The following ARMCX4 variants were observed in gnomAD, a reference collection of about 807,000 sequenced individuals.
ARMCX4 encodes the protein armadillo repeat containing X-linked 4, also known as armadillo repeat-containing X-linked protein 4.
A neutral mutation model predicts 34.7 loss-of-function variants in ARMCX4; 3 were observed. The ratio of observed to expected loss-of-function variants is 0.09; its 90% CI spans 0.04 to 0.22. The LOEUF (loss-of-function observed/expected upper bound fraction) is 0.22, where lower values mean the gene tolerates loss of function less well. ARMCX4 is among the 10% of genes least tolerant of loss of function. The pLI, the probability that ARMCX4 is intolerant of heterozygous loss-of-function variation, is 1.00. For missense variants in ARMCX4, 1,448 were observed against 1,720.8 expected, an observed-to-expected ratio of 0.84 and a Z score of 2.81; for synonymous variants, 513 against 632.8, an observed-to-expected ratio of 0.81 and a Z score of 2.84.
At chrX:101,484,139 G>A (rs1360348778), upstream of ARMCX4, among the ~76,000 whole-genome samples, 1 of 111,450 alleles carries the variant, frequency 9.0e-6, no homozygotes, top group Non-Finnish European at 1.9e-5. Context: ...CCTTCCACTT[G>A]TGAGGGAAAA....
Position 101,494,689 on chromosome X carries a change from C to T in ARMCX4, c.6100C>T (p.His2034Tyr). Residue 2034 changes from histidine (H) to tyrosine (Y), a missense_variant, in exon 6 of 6, where the codon CAC (histidine) becomes TAC (tyrosine). His to Tyr is a moderately conservative substitution (Grantham distance 83, BLOSUM62 2). This residue lies in a region of ARMCX4 where 1,343 missense variants were observed against 1,540.7 expected (regional missense o/e 0.87). Coordinates refer to ENST00000423738, the MANE Select transcript of ARMCX4 (RefSeq NM_001256155.3). The part of the protein sequence containing the change: ...KTRPWSCRCK[H>Y]EANMDPRDLE... ...TCGGCCCTGGTCTTGCCGCTGTAAA[C>T]ACGAAGCTAATATGGATCCACGAGA... 1 of 1,155,843 alleles carries T rather than the reference C, an allele frequency of 8.7e-7. No individual in the cohort carries two copies.
chrX:101,522,727 G>A (rs1934879201), intron 11 of ARMCX4, among the ~76,000 whole-genome samples: 2 of 111,769 alleles, frequency 1.8e-5, no homozygotes, highest in South Asian at 7.4e-4. Flanking sequence ...TCATATCAAT[G>A]TCAACTTAAT....
chrX:101,464,485 C>A (rs1221883613), intron 4 of ARMCX4, among the ~76,000 whole-genome samples: 1 of 111,661 alleles, frequency 9.0e-6, no homozygotes, highest in East Asian at 2.8e-4. Flanking sequence ...ACTAGAACAG[C>A]CCATCCCTTT....
chrX:101,533,708 A>T (rs1230165314), downstream of ARMCX4, among the ~76,000 whole-genome samples: 1 of 112,304 alleles, frequency 8.9e-6, no homozygotes, highest in Admixed American at 9.5e-5. Flanking sequence ...ATATGACAAA[A>T]ATATATACAT....
At chrX:101,473,666 G>T (rs1347070018) in intron 4 of ARMCX4, among the ~76,000 whole-genome samples, 1 of 104,951 alleles carries the variant, frequency 9.5e-6, no homozygotes. Flanking sequence ...ACTCAAAACC[G>T]CTCAACTACA....
chrX:101,440,751 G>A (rs1489823773), intron 2 of ARMCX4, among the ~76,000 whole-genome samples: 2 of 111,366 alleles, frequency 1.8e-5, no homozygotes, highest in Admixed American at 1.9e-4. Flanking sequence ...GCGAGGCTCC[G>A]TGGGTGTAGG....
At chrX:101,450,849 A>G (rs1555998971), downstream of ARMCX4, among the ~76,000 whole-genome samples, 1 of 111,442 alleles carries the variant, frequency 9.0e-6, no homozygotes, top group African/African-American at 3.3e-5. Context: ...CAGTGTGTAT[A>G]GAAATGTCAT....
At chrX:101,528,535 G>T (rs935701911) in intron 11 of ARMCX4, among the ~76,000 whole-genome samples, 2 of 111,574 alleles carry the variant, frequency 1.8e-5, no homozygotes, top group Non-Finnish European at 3.8e-5. Context: ...AAAAGAGGAA[G>T]TCAAATTGTC....
chrX:101,486,768 T>C (rs1195637237), intron 2 of ARMCX4, among the ~76,000 whole-genome samples: 1 of 109,328 alleles, frequency 9.1e-6, no homozygotes, highest in Non-Finnish European at 1.9e-5. Context: ...TCTCTACATA[T>C]AATTTAAAAA....
At chrX:101,514,763 C>T (rs1296736019) in intron 11 of ARMCX4, among the ~76,000 whole-genome samples, 1 of 111,584 alleles carries the variant, frequency 9.0e-6, no homozygotes, top group Non-Finnish European at 1.9e-5. Flanking sequence ...GTTAATTTCC[C>T]TGGGGAATGT....
intron 4 of ARMCX4, among the ~76,000 whole-genome samples, chrX:101,460,292 C>T (rs1556001046): frequency 8.9e-6 from 1 of 112,112 alleles, no homozygotes; most frequent in African/African-American, 3.2e-5. Context: ...GGGAACCAGT[C>T]ACTGGTCCTT....
chrX:101,431,481 C>T (rs1929994458), intron 2 of ARMCX4, among the ~76,000 whole-genome samples: 1 of 112,246 alleles, frequency 8.9e-6, no homozygotes, highest in Non-Finnish European at 1.9e-5. Context: ...TACAGTGTTT[C>T]CTAATTCACT....
chrX:101,479,342 ACACACACACAC>A (rs1933340382), intron 4 of ARMCX4, among the ~76,000 whole-genome samples: 1 of 104,508 alleles, frequency 9.6e-6, no homozygotes, highest in Non-Finnish European at 1.9e-5. Context: ...ACACACACAC[ACACACACACAC>A]ACGAAAAATG....
At chrX:101,529,991 C>T (rs1439832913) in intron 11 of ARMCX4, among the ~76,000 whole-genome samples, 3 of 111,423 alleles carry the variant, frequency 2.7e-5, no homozygotes, top group African/African-American at 9.8e-5. Context: ...TGGGTATATA[C>T]CAAAAGGATT....
chrX:101,486,734 C>A (rs1453865180), intron 2 of ARMCX4, among the ~76,000 whole-genome samples: 2 of 110,391 alleles, frequency 1.8e-5, no homozygotes, highest in African/African-American at 6.6e-5. Flanking sequence ...TCAAGACCAG[C>A]CTGGGCAACA....
chrX:101,527,430 C>A (rs1391120457), intron 11 of ARMCX4, among the ~76,000 whole-genome samples: 2 of 110,696 alleles, frequency 1.8e-5, no homozygotes, highest in Non-Finnish European at 3.8e-5. Flanking sequence ...ACTAGAGAAG[C>A]AAAAGCAAAC....
chrX:101,522,760 C>A (rs1934879765), intron 11 of ARMCX4, among the ~76,000 whole-genome samples: 1 of 112,145 alleles, frequency 8.9e-6, no homozygotes, highest in African/African-American at 3.2e-5. Context: ...CTCTTAATAA[C>A]TTCATAACCT....
Position 101,495,452 on chromosome X carries a change from G to A in ARMCX4, c.6863G>A (p.Ser2288Asn). ...AAAGAGAGAGTTGAGCTATTAATAAGTAAACTCTGATTGGCTGTATGTTCC... is the reference window on the plus strand; with the variant it reads ...AAAGAGAGAGTTGAGCTATTAATAAATAAACTCTGATTGGCTGTATGTTCC... Reference protein sequence around the residue: ...EVKERVELLISKL With the variant: ...EVKERVELLINKL The change falls in exon 6 of 6, where the codon AGT becomes AAT. Residue 2288 changes from serine to asparagine, a missense_variant. By Grantham distance (46) the Ser-to-Asn change is conservative. Coordinates refer to ENST00000423738, the MANE Select transcript of ARMCX4 (RefSeq NM_001256155.3). 3 of 1,103,332 alleles carry A rather than the reference G, an allele frequency of 2.7e-6. No individual in the cohort carries two copies. The highest frequency in any genetic ancestry group is 3.5e-6 in the Non-Finnish European group (3 of 848,361). The allele number at this position is 1,103,332 out of a possible 1,213,427, so 90.9% of individuals were successfully genotyped here. A position where few individuals can be genotyped will look rare whatever the true frequency, so the allele number is the denominator to read the frequency against.
Position 101,494,349 on chromosome X carries a change from A to C in ARMCX4, c.5760A>C (p.Lys1920Asn). The change falls in exon 6 of 6, where the codon AAA (lysine) becomes AAC (asparagine). Residue 1920 changes from lysine to asparagine, a missense_variant. Lys to Asn is a moderately conservative substitution (Grantham distance 94). Transcript: ENST00000423738. ...NSNTFRSKSG[K>N]DASFESGAGD... ...ATACGTTCAGATCTAAGAGTGGGAA[A>C]GATGCCAGTTTTGAGTCTGGAGCTG... The C allele has an allele frequency of 8.7e-7, 1 of 1,154,808 alleles. No individual in the cohort carries two copies. The highest frequency in any genetic ancestry group is 1.8e-5 in the African/African-American group (1 of 56,076).
Sources: gnomAD v4.1 joint callset for allele counts (sites outside exome capture counted in the v4.1 genomes callset) on GRCh38, gnomAD v4.1.1 for gene constraint, gnomAD v4.1.1 regional missense constraint, MANE v1.5 for transcripts, NCBI Gene and HGNC (gene_info 2026-07-23, HGNC 2026-07-21) for gene names.